SORCS3: variants seen among roughly 807,000 people sequenced by gnomAD.
SORCS3 encodes sortilin related VPS10 domain containing receptor 3.
Under a neutral mutation model 146.3 loss-of-function variants are expected in SORCS3, and 57 were observed. That is an observed-to-expected ratio of 0.39 (90% CI 0.31 to 0.49). The LOEUF (loss-of-function observed/expected upper bound fraction) is 0.49. Ranked by LOEUF, SORCS3 falls within the 20% of genes least tolerant of loss-of-function variation. SORCS3 has a pLI of 0.92. For missense variants in SORCS3, 1,341 were observed against 1,575.5 expected (o/e 0.85, Z 2.52); for synonymous variants, 653 against 618.5 (o/e 1.06, Z -0.83).
chr10:105,230,589 C>A (rs1310710034), intron 20 of SORCS3, among the ~76,000 whole-genome samples: 1 of 152,150 alleles, frequency 6.6e-6, no homozygotes, highest in African/African-American at 2.4e-5. Flanking sequence ...GGCAGCAGCC[C>A]ACAGTAATGG....
At chr10:104,995,549 A>T (rs2055021979) in intron 4 of SORCS3, among the ~76,000 whole-genome samples, 1 of 152,170 alleles carries the variant, frequency 6.6e-6, no homozygotes, top group African/African-American at 2.4e-5. Context: ...ACATCTTTTC[A>T]TGCACTTATT....
chr10:104,722,609 G>A (rs2016563900), intron 1 of SORCS3, among the ~76,000 whole-genome samples: 1 of 152,136 alleles, frequency 6.6e-6, no homozygotes, highest in Non-Finnish European at 1.5e-5. Context: ...AACTGGTCCT[G>A]GACTTTTTTT....
At chr10:104,781,980 GT>G (rs2017379205) in intron 1 of SORCS3, among the ~76,000 whole-genome samples, 1 of 152,206 alleles carries the variant, frequency 6.6e-6, no homozygotes. Context: ...CACACTCCTG[GT>G]TTTTGTATCT....
chr10:104,887,479 A>G (rs1227010164), intron 2 of SORCS3, among the ~76,000 whole-genome samples: 3 of 152,184 alleles, frequency 2.0e-5, no homozygotes, highest in Non-Finnish European at 4.4e-5. Flanking sequence ...AGAAGAAGGG[A>G]TGTTAGAAGG....
chr10:105,260,031 C>A (rs1026945601), intron 25 of SORCS3, among the ~76,000 whole-genome samples: 6 of 152,114 alleles, frequency 3.9e-5, no homozygotes, highest in Non-Finnish European at 8.8e-5. Context: ...AAATGAAAAG[C>A]AACTTGACAA....
intron 3 of SORCS3, among the ~76,000 whole-genome samples, chr10:104,941,240 T>C (rs529112058): frequency 1.3e-5 from 2 of 152,294 alleles, no homozygotes; most frequent in East Asian, 3.9e-4. Flanking sequence ...TCTCATTTTG[T>C]GACTAAGAAT....
intron 1 of SORCS3, among the ~76,000 whole-genome samples, chr10:104,714,919 G>T (rs1049441196): frequency 2.0e-5 from 3 of 152,206 alleles, no homozygotes; most frequent in Non-Finnish European, 1.5e-5. Flanking sequence ...TTATTAGGAA[G>T]ACCAGAGTCA....
intron 2 of SORCS3, among the ~76,000 whole-genome samples, chr10:104,862,010 G>A (rs1210196550): frequency 6.6e-6 from 1 of 152,148 alleles, no homozygotes; most frequent in Non-Finnish European, 1.5e-5. Flanking sequence ...TGGATCAGGA[G>A]CCCATCCTAC....
chr10:105,052,769 G>A (rs969079532), intron 5 of SORCS3, among the ~76,000 whole-genome samples: 4 of 152,066 alleles, frequency 2.6e-5, no homozygotes, highest in African/African-American at 9.7e-5. Flanking sequence ...TGAGCTCGGC[G>A]CCCAAGGAGA....
At chr10:105,003,046 A>T (rs763131972) in intron 4 of SORCS3, among the ~76,000 whole-genome samples, 2 of 152,202 alleles carry the variant, frequency 1.3e-5, no homozygotes, top group African/African-American at 2.4e-5. Flanking sequence ...CAGCTCATGC[A>T]TGGTGGCACT....
At chr10:105,232,767 TA>T (rs1341902104) in intron 20 of SORCS3, among the ~76,000 whole-genome samples, 1 of 152,124 alleles carries the variant, frequency 6.6e-6, no homozygotes, top group Non-Finnish European at 1.5e-5. Flanking sequence ...TCTTGACATT[TA>T]TTTTTTGACT....
chr10:104,687,640 A>G (rs777624519), intron 1 of SORCS3, among the ~76,000 whole-genome samples: 37 of 152,102 alleles, frequency 2.4e-4, no homozygotes, highest in Non-Finnish European at 4.9e-4. Context: ...AGAAGCCCCC[A>G]GGTTTCAAGC....
intron 1 of SORCS3, among the ~76,000 whole-genome samples, chr10:104,651,545 A>AC (rs745615294): frequency 6.0e-5 from 7 of 115,806 alleles, no homozygotes; most frequent in East Asian, 4.8e-4. Context: ...AAAAAAAAAA[A>AC]AAAAAAAAAC....
At chr10:105,241,407 A>C (rs570497567) in intron 20 of SORCS3, among the ~76,000 whole-genome samples, 1 of 152,294 alleles carries the variant, frequency 6.6e-6, no homozygotes, top group South Asian at 2.1e-4. Flanking sequence ...GAAGCCCCAG[A>C]GGGGGTGTTA....
chr10:105,201,404 G>C (rs1470586409), intron 16 of SORCS3, 151 bp downstream of exon 16: 1 of 937,518 alleles, frequency 1.1e-6, no homozygotes, highest in East Asian at 2.6e-5. Context: ...CCCAGTTACT[G>C]GGCCAGATGG....
At chr10:104,775,575 G>T (rs1178373721) in intron 1 of SORCS3, among the ~76,000 whole-genome samples, 1 of 152,160 alleles carries the variant, frequency 6.6e-6, no homozygotes, top group Non-Finnish European at 1.5e-5. Context: ...TGGCCAGTGT[G>T]CTCCTGTTGA....
At chr10:104,897,841 G>T (rs141559524) in intron 2 of SORCS3, among the ~76,000 whole-genome samples, 2 of 152,182 alleles carry the variant, frequency 1.3e-5, no homozygotes, top group Non-Finnish European at 1.5e-5. Flanking sequence ...TTGCCTGGGG[G>T]TAGTCCCACG....
At chr10:105,260,214 A>C (rs1386605325) in intron 25 of SORCS3, among the ~76,000 whole-genome samples, 2 of 152,162 alleles carry the variant, frequency 1.3e-5, no homozygotes. Context: ...TGAGAAAAGC[A>C]GGAAAGGGGA....
intron 16 of SORCS3, among the ~76,000 whole-genome samples, chr10:105,205,243 A>C (rs920712155): frequency 6.6e-6 from 1 of 152,190 alleles, no homozygotes; most frequent in Non-Finnish European, 1.5e-5. Flanking sequence ...GAATTGAGGA[A>C]TGCAACCTGG....
Sources: allele counts gnomAD v4.1 joint callset (sites outside exome capture counted in the v4.1 genomes callset), GRCh38; gene constraint gnomAD v4.1.1; transcripts MANE v1.5; gene names NCBI Gene and HGNC (gene_info 2026-07-23, HGNC 2026-07-21).